The following DSCAM variants were observed in gnomAD, a reference collection of about 807,000 sequenced individuals.
DSCAM encodes the protein cell adhesion molecule DSCAM.
A neutral mutation model predicts 217.7 loss-of-function variants in DSCAM; 47 were observed. The observed-to-expected ratio is 0.22, with a 90% CI of 0.17 to 0.28. DSCAM has a LOEUF of 0.28. DSCAM is among the 10% of genes least tolerant of loss of function. The probability of loss-of-function intolerance (pLI) is 1.00; values close to 1 mark genes in which losing one functional copy is unlikely to be tolerated. For synonymous variants in DSCAM, 1,056 were observed against 1,015.3 expected (o/e 1.04, Z -0.76); for missense variants, 2,080 against 2,618.3 (o/e 0.79, Z 4.49).
At chr21:40,670,858 T>G (rs1054851097) in intron 3 of DSCAM, among the ~76,000 whole-genome samples, 1 of 152,220 alleles carries the variant, frequency 6.6e-6, no homozygotes, top group Non-Finnish European at 1.5e-5. Flanking sequence ...TGCTTTTGCA[T>G]AGGTGACTTA....
rs73368169 is a variant in DSCAM at position 40,253,348 on chromosome 21, A to T, written c.2356+22749T>A. ...TTGCATGTATTTGATTACATGATAC[A>T]ATGCAGAATATATCTGGTCTTTGTT... On this transcript the variant is annotated intron_variant, in intron 11 of 32. Coordinates refer to ENST00000400454, the MANE Select transcript of DSCAM (RefSeq NM_001389.5). Among the ~76,000 whole-genome samples the T allele has an allele frequency of 4.4e-3, 671 of 152,330 alleles. 9 individuals carry two copies. Among genetic ancestry groups the T allele is most frequent in the African/African-American group, 0.015 (642 of 41,582 alleles).
At chr21:40,110,114 G>A (rs972381352) in intron 20 of DSCAM, among the ~76,000 whole-genome samples, 9 of 152,194 alleles carry the variant, frequency 5.9e-5, no homozygotes, top group African/African-American at 1.4e-4. Flanking sequence ...CAGACAGACT[G>A]CCTCCTCAAG....
Position 40,463,397 on chromosome 21 carries a change from A to G in DSCAM, c.509-94152T>C, listed in dbSNP as rs138364654. Among the ~76,000 whole-genome samples the G allele has an allele frequency of 8.5e-4, 130 of 152,220 alleles. 1 individual carries two copies. In the East Asian group the frequency reaches 0.017, roughly 20 times the overall value. The stretch of plus-strand genomic sequence containing the variant: ...ATCAGAAATGCAAGCCTCACTGCTC[A>G]TACCGAGACCACCCGGTATTGCACT... On this transcript the variant is annotated intron_variant, in intron 3 of 32. Transcript: ENST00000400454.
chr21:40,820,280 A>G (rs2091914371), intron 1 of DSCAM, among the ~76,000 whole-genome samples: 1 of 152,250 alleles, frequency 6.6e-6, no homozygotes, highest in Non-Finnish European at 1.5e-5. Context: ...CTATGCAGCC[A>G]TAAAAAAGAA....
At chr21:40,352,230 T>C (rs1417273609) in intron 5 of DSCAM, among the ~76,000 whole-genome samples, 2 of 152,154 alleles carry the variant, frequency 1.3e-5, no homozygotes. Context: ...TATCCTAAGA[T>C]ATAAACTTTA....
chr21:40,074,621 T>TCA (rs2089338467), intron 27 of DSCAM, among the ~76,000 whole-genome samples: 1 of 152,208 alleles, frequency 6.6e-6, no homozygotes, highest in African/African-American at 2.4e-5. Context: ...TCACAATGCT[T>TCA]CACCAGTATC....
intron 3 of DSCAM, among the ~76,000 whole-genome samples, chr21:40,476,202 T>C (rs1318827608): frequency 6.6e-6 from 1 of 152,126 alleles, no homozygotes; most frequent in Non-Finnish European, 1.5e-5. Context: ...AGGGTCCCCA[T>C]TTGAAGGCCC....
rs76034648 is a variant in DSCAM at position 40,125,568 on chromosome 21, C to T, written c.3563-1240G>A. Among the ~76,000 whole-genome samples, 1,386 of 152,354 alleles carry T rather than the reference C, an allele frequency of 9.1e-3. 21 individuals carry two copies. Among genetic ancestry groups the T allele is most frequent in the African/African-American group, 0.032 (1,314 of 41,584 alleles). On this transcript the variant is annotated intron_variant, in intron 19 of 32. Transcript: ENST00000400454. ...GTGCTTCTCATAATCGTCACCTTGA[C>T]TCTTCTAAGTCTGCATAACAAAACC...
At chr21:40,408,500 G>C (rs2075297270) in intron 3 of DSCAM, among the ~76,000 whole-genome samples, 3 of 151,876 alleles carry the variant, frequency 2.0e-5, no homozygotes. Flanking sequence ...ATTCAGTTTG[G>C]GGAACACATT....
chr21:40,239,871 G>T (rs1029074596), intron 11 of DSCAM, among the ~76,000 whole-genome samples: 1 of 152,178 alleles, frequency 6.6e-6, no homozygotes, highest in Non-Finnish European at 1.5e-5. Context: ...TTCCATGCTT[G>T]TCTAACACCT....
At chr21:40,397,671 T>C (rs1409033423) in intron 3 of DSCAM, among the ~76,000 whole-genome samples, 1 of 152,126 alleles carries the variant, frequency 6.6e-6, no homozygotes, top group African/African-American at 2.4e-5. Context: ...CCCTAGTGTT[T>C]TGGCAACACT....
At chr21:40,691,291 T>C (rs2090535389) in intron 3 of DSCAM, among the ~76,000 whole-genome samples, 1 of 152,232 alleles carries the variant, frequency 6.6e-6, no homozygotes, top group Non-Finnish European at 1.5e-5. Flanking sequence ...TCTCTTCCTC[T>C]GCCAGAGCAG....
At chr21:40,270,771 G>A (rs1427368394) in intron 11 of DSCAM, among the ~76,000 whole-genome samples, 1 of 151,962 alleles carries the variant, frequency 6.6e-6, no homozygotes, top group East Asian at 1.9e-4. Context: ...CCGCTTGGGG[G>A]CAGCTTGGGG....
chr21:40,479,999 C>T (rs1201452971), intron 3 of DSCAM, among the ~76,000 whole-genome samples: 1 of 152,176 alleles, frequency 6.6e-6, no homozygotes, highest in Admixed American at 6.5e-5. Flanking sequence ...TTTACCATGT[C>T]ATTTATTTAA....
chr21:40,025,635 C>G (rs1274408490), intron 32 of DSCAM, among the ~76,000 whole-genome samples: 2 of 150,930 alleles, frequency 1.3e-5, no homozygotes, highest in Admixed American at 6.6e-5. Context: ...TCCATTTCTT[C>G]TAGATTTTCT....
In DSCAM at chr21:40,042,570, G is replaced by T. The variant is rs754617380; in HGVS notation, c.5487C>A (p.His1829Gln). ...EHAKMEEQLR[H>Q]AKFTITECFI... Reference sequence around the variant, plus strand: ...AGCACTCCGTGATGGTGAACTTGGCGTGCCTCAGTTGCTCTTCCATCTTGG... The same window carrying T: ...AGCACTCCGTGATGGTGAACTTGGCTTGCCTCAGTTGCTCTTCCATCTTGG... The change falls in exon 32 of 33, where the codon CAC becomes CAA. Residue 1829 changes from histidine to glutamine, a missense_variant. Physicochemically the swap from His to Gln is conservative, Grantham distance 24 (BLOSUM62 0). Transcript: ENST00000400454. The T allele has an allele frequency of 1.9e-6, 3 of 1,614,174 alleles. No individual in the cohort carries two copies. The highest frequency in any genetic ancestry group is 1.7e-5 in the Admixed American group (1 of 60,028).
intron 11 of DSCAM, among the ~76,000 whole-genome samples, chr21:40,238,709 G>A (rs771900466): frequency 5.9e-5 from 9 of 152,176 alleles, no homozygotes; most frequent in Non-Finnish European, 1.2e-4. Flanking sequence ...CCTAAACCAT[G>A]TCTAAGTACC....
intron 3 of DSCAM, among the ~76,000 whole-genome samples, chr21:40,614,143 G>A (rs1284346092): frequency 2.0e-5 from 3 of 152,218 alleles, no homozygotes; most frequent in African/African-American, 7.2e-5. Flanking sequence ...CTGTCCTGCT[G>A]AGTGCAGCCC....
In DSCAM at chr21:40,412,871, A is replaced by C. The variant is rs371673976; in HGVS notation, c.509-43626T>G. Among the ~76,000 whole-genome samples, 3 of 152,298 alleles carry C rather than the reference A, an allele frequency of 2.0e-5. 1 individual carries two copies. Among genetic ancestry groups the C allele is most frequent in the African/African-American group, 7.2e-5 (3 of 41,572 alleles). On this transcript the variant is annotated intron_variant, in intron 3 of 32. Coordinates refer to ENST00000400454, the MANE Select transcript of DSCAM (RefSeq NM_001389.5). ...CCTCCCATCACAGACCTGAAGGAAAAAGTGGTTTCATGGGCCAAGCCCAAG... is the reference window on the plus strand; with the variant it reads ...CCTCCCATCACAGACCTGAAGGAAACAGTGGTTTCATGGGCCAAGCCCAAG...
Sources: gnomAD v4.1 joint callset for allele counts (sites outside exome capture counted in the v4.1 genomes callset) on GRCh38, gnomAD v4.1.1 for gene constraint, MANE v1.5 for transcripts, NCBI Gene and HGNC (gene_info 2026-07-23, HGNC 2026-07-21) for gene names.